The following WDR41 variants were observed in gnomAD, a reference collection of about 807,000 sequenced individuals.
WDR41 encodes the protein WD repeat domain 41, also known as WD repeat-containing protein 41.
WDR41 carries 63 observed loss-of-function variants against 69.3 expected under a neutral mutation model. The ratio of observed to expected loss-of-function variants is 0.91; its 90% CI spans 0.74 to 1.12. The LOEUF (loss-of-function observed/expected upper bound fraction) is 1.12, where lower values mean the gene tolerates loss of function less well. WDR41 is among the 50% of genes most tolerant of loss of function. WDR41 has a pLI of 0.00. For synonymous variants in WDR41, 185 were observed against 192.1 expected (o/e 0.96, Z 0.31); for missense variants, 543 against 534.5 (o/e 1.02, Z -0.16).
intron 1 of WDR41, among the ~76,000 whole-genome samples, chr5:77,600,937 G>A (rs559879743): frequency 6.6e-6 from 1 of 151,048 alleles, no homozygotes; most frequent in Non-Finnish European, 1.5e-5. Flanking sequence ...GTATGTGTGT[G>A]TGTGTGTGTG....
intron 1 of WDR41, among the ~76,000 whole-genome samples, chr5:77,611,582 G>C (rs565789474): frequency 3.3e-3 from 509 of 152,308 alleles, no homozygotes; most frequent in African/African-American, 0.012. Context: ...AATGAAGGCA[G>C]AAATAAAGAT....
At chr5:77,555,817 A>G (rs1254335276) in intron 1 of WDR41, among the ~76,000 whole-genome samples, 1 of 152,214 alleles carries the variant, frequency 6.6e-6, no homozygotes, top group African/African-American at 2.4e-5. Flanking sequence ...ATTCAATACT[A>G]TTTCAATCAA....
At chr5:77,462,040 C>T (rs1016203704) in intron 4 of WDR41, among the ~76,000 whole-genome samples, 9 of 152,024 alleles carry the variant, frequency 5.9e-5, no homozygotes, top group African/African-American at 2.2e-4. Flanking sequence ...CCAGTTCTGC[C>T]CTACACTGGC....
At chr5:77,576,809 T>A (rs1743843908) in intron 1 of WDR41, among the ~76,000 whole-genome samples, 1 of 152,204 alleles carries the variant, frequency 6.6e-6, no homozygotes. Context: ...CCTATCATCC[T>A]GATTTTTGGT....
intron 1 of WDR41, among the ~76,000 whole-genome samples, chr5:77,506,708 T>C (rs1802113679): frequency 6.6e-6 from 1 of 152,032 alleles, no homozygotes; most frequent in African/African-American, 2.4e-5. Flanking sequence ...CATGCAGCCA[T>C]AAAAAAGGAT....
intron 1 of WDR41, among the ~76,000 whole-genome samples, chr5:77,583,454 G>A (rs1221162886): frequency 6.6e-6 from 1 of 151,662 alleles, no homozygotes; most frequent in African/African-American, 2.4e-5. Context: ...AGAGGTTGCA[G>A]TGAGTTGAGA....
chr5:77,594,288 ATAGCAT>A (rs1245026761), intron 1 of WDR41, among the ~76,000 whole-genome samples: 1 of 135,494 alleles, frequency 7.4e-6, no homozygotes, highest in Non-Finnish European at 1.6e-5. Flanking sequence ...GGGGGGAGGG[ATAGCAT>A]TAGGAGATAT....
At chr5:77,437,294 AAAG>A in intron 11 of WDR41, 39 bp downstream of exon 11, 1 of 1,540,842 alleles carries the variant, frequency 6.5e-7, no homozygotes, top group Non-Finnish European at 9.0e-7. Context: ...ACGTGAGAAA[AAAG>A]GAGAGAAAAA....
At chr5:77,480,681 C>T (rs141939335) in intron 2 of WDR41, among the ~76,000 whole-genome samples, 6,904 of 93,560 alleles carry the variant, frequency 0.074, 580 homozygotes, top group African/African-American at 0.25. Context: ...TTGTAGGGTG[C>T]GGGGAGGGGG....
At chr5:77,497,512 A>G (rs959515593) in intron 1 of WDR41, among the ~76,000 whole-genome samples, 3 of 152,178 alleles carry the variant, frequency 2.0e-5, no homozygotes, top group African/African-American at 7.2e-5. Flanking sequence ...CAACATAATT[A>G]GTCATTAGAA....
chr5:77,474,606 T>G (rs1206418214), intron 2 of WDR41, among the ~76,000 whole-genome samples: 1 of 152,194 alleles, frequency 6.6e-6, no homozygotes, highest in Non-Finnish European at 1.5e-5. Flanking sequence ...TTAGATCTAC[T>G]TCAACAATTT....
chr5:77,521,179 G>C (rs1802365177), intron 1 of WDR41, among the ~76,000 whole-genome samples: 1 of 150,736 alleles, frequency 6.6e-6, no homozygotes, highest in African/African-American at 2.4e-5. Flanking sequence ...GTGGGTGGGG[G>C]ATGATTTGGG....
chr5:77,537,171 T>C (rs1743003111), intron 1 of WDR41, among the ~76,000 whole-genome samples: 1 of 152,250 alleles, frequency 6.6e-6, no homozygotes, highest in Admixed American at 6.5e-5. Context: ...TTCCCTCCTA[T>C]CTTTCTGCTT....
chr5:77,600,921 C>CTGTGTGTGTG (rs778461981), intron 1 of WDR41, among the ~76,000 whole-genome samples: 26 of 106,478 alleles, frequency 2.4e-4, no homozygotes, highest in African/African-American at 7.1e-4. Context: ...TTATCTAACT[C>CTGTGTGTGTG]TGTGTGTATG....
In WDR41 at chr5:77,433,002, T is replaced by C. The variant is rs1021671826; in HGVS notation, c.*133A>G. ...TCCTGGTTGGTAGGTCCACAAAAAATTTAAACATGTAGAATTTTATGGACT... is the reference window on the plus strand; with the variant it reads ...TCCTGGTTGGTAGGTCCACAAAAAACTTAAACATGTAGAATTTTATGGACT... On this transcript the variant is annotated 3_prime_UTR_variant, in exon 13 of 13. Coordinates refer to ENST00000296679, the MANE Select transcript of WDR41 (RefSeq NM_018268.4). The C allele has an allele frequency of 1.3e-5, 14 of 1,055,836 alleles. No homozygotes were observed. Among genetic ancestry groups the C allele is most frequent in the Middle Eastern group, 3.2e-4 (1 of 3,096 alleles). 65.4% of individuals were successfully genotyped at this position (1,055,836 alleles called of 1,614,324 possible).
At chr5:77,434,439 AACACAAAATTCAGT>A (rs1489165641) in intron 12 of WDR41, among the ~76,000 whole-genome samples, 1 of 152,122 alleles carries the variant, frequency 6.6e-6, no homozygotes, top group Non-Finnish European at 1.5e-5. Flanking sequence ...GAAACTGGAA[AACACAAAATTCAGT>A]ACACAGGTAG....
At chr5:77,500,650 G>A (rs1287497531) in intron 1 of WDR41, among the ~76,000 whole-genome samples, 1 of 152,084 alleles carries the variant, frequency 6.6e-6, no homozygotes, top group Non-Finnish European at 1.5e-5. Context: ...AACCTAAGTA[G>A]TCCCATAACC....
rs1561735418 is a variant in WDR41, at chr5:77,449,799, CA to C, written c.657del (p.Asp220IlefsTer9). The part of the protein sequence containing the change: ...EWDILEVKRL[L>X]DHQDNILSLI... ...AATGAGAGAATATTATCCTGGTGAT[CA>C]AGGAGGCGCTTAACTTCAAGAATAT... is the stretch of plus-strand genomic sequence containing the variant. On this transcript the variant is annotated frameshift_variant, in exon 8 of 13. Coordinates refer to ENST00000296679, the MANE Select transcript of WDR41 (RefSeq NM_018268.4). LOFTEE classifies it high-confidence loss of function. The C allele has an allele frequency of 3.7e-6, 6 of 1,613,458 alleles. No homozygotes were observed. The Admixed American group carries it at 1.0e-4, about 27-fold the overall frequency.
At chr5:77,546,525 A>T (rs1561220841) in intron 1 of WDR41, among the ~76,000 whole-genome samples, 1 of 152,158 alleles carries the variant, frequency 6.6e-6, no homozygotes, top group South Asian at 2.1e-4. Flanking sequence ...CCTAGAAGAG[A>T]TGGATAAATT....
Sources: allele counts gnomAD v4.1 joint callset (sites outside exome capture counted in the v4.1 genomes callset), GRCh38; gene constraint gnomAD v4.1.1; transcripts MANE v1.5; gene names NCBI Gene and HGNC (gene_info 2026-07-23, HGNC 2026-07-21).